The following TXNDC11 variants were observed in gnomAD, a reference collection of about 807,000 sequenced individuals.
The protein encoded by TXNDC11 is thioredoxin domain-containing protein 11.
Under a neutral mutation model 78.0 loss-of-function variants are expected in TXNDC11, and 68 were observed. The observed-to-expected ratio is 0.87, with a 90% confidence interval of 0.72 to 1.07. TXNDC11 has a LOEUF of 1.07. Among genes scored for constraint, TXNDC11 ranks in the 50% least tolerant of loss-of-function variants. The pLI is 0.00. For synonymous variants in TXNDC11, 571 were observed against 495.2 expected, an observed-to-expected ratio of 1.15 and a Z score of -2.03; for missense variants, 1,389 against 1,221.8, an observed-to-expected ratio of 1.14 and a Z score of -2.04.
chr16:11,712,336 C>A (rs935453876), intron 5 of TXNDC11, among the ~76,000 whole-genome samples: 2 of 152,080 alleles, frequency 1.3e-5, no homozygotes, highest in Non-Finnish European at 2.9e-5. Context: ...ACTCTGCATG[C>A]GGTTTCTTCC....
intron 1 of TXNDC11, among the ~76,000 whole-genome samples, chr16:11,737,965 A>G (rs572431472): frequency 1.4e-4 from 21 of 152,284 alleles, no homozygotes; most frequent in African/African-American, 4.8e-4. Context: ...TCTTAAATAT[A>G]AAGACACAGG....
intron 11 of TXNDC11, among the ~76,000 whole-genome samples, chr16:11,682,712 C>T (rs1181023912): frequency 1.3e-5 from 2 of 152,136 alleles, no homozygotes; most frequent in East Asian, 3.8e-4. Context: ...TGTTACTGTC[C>T]GTGATTCCTG....
At chr16:11,709,423 A>ATTTTTTT (rs149701958) in intron 5 of TXNDC11, among the ~76,000 whole-genome samples, 15 of 55,590 alleles carry the variant, frequency 2.7e-4, no homozygotes, top group African/African-American at 6.3e-4. Flanking sequence ...AATTTTTTGT[A>ATTTTTTT]TTTTTTTTTT....
At chr16:11,711,204 A>C (rs940318119) in intron 5 of TXNDC11, among the ~76,000 whole-genome samples, 51 of 152,226 alleles carry the variant, frequency 3.4e-4, no homozygotes, top group Non-Finnish European at 1.5e-4. Flanking sequence ...AGTAGAGCAG[A>C]GGAGCTGCAG....
rs778138194 is a variant in TXNDC11 at position 11,691,950 on chromosome 16, C to G, written c.1240G>C (p.Asp414His). The stretch of plus-strand genomic sequence containing the variant: ...GGGGACGCTGTGATCGTTGGCGGGT[C>G]TGGCAGCTGTGCCGGCACTTCCAGG... The part of the protein sequence containing the change: ...LALEVPAQLP[D>H]PPTITASPCC... Residue 414 changes from aspartate to histidine, a missense_variant, in exon 8 of 12, where the codon GAC (aspartate) becomes CAC (histidine). Asp to His is a moderately conservative substitution (Grantham distance 81). Transcript: ENST00000283033. The G allele has an allele frequency of 1.2e-6, 2 of 1,611,312 alleles. No individual in the cohort carries two copies. The highest frequency in any genetic ancestry group is 2.2e-5 in the South Asian group (2 of 90,912).
At chr16:11,737,988 G>A (rs1189054865) in intron 1 of TXNDC11, among the ~76,000 whole-genome samples, 1 of 152,038 alleles carries the variant, frequency 6.6e-6, no homozygotes, top group East Asian at 1.9e-4. Context: ...AAAGGCATAA[G>A]GATGGGAAAA....
At chr16:11,697,567 G>A (rs1011438341) in intron 7 of TXNDC11, among the ~76,000 whole-genome samples, 11 of 152,276 alleles carry the variant, frequency 7.2e-5, no homozygotes, top group African/African-American at 2.4e-4. Flanking sequence ...CCGAAGACAG[G>A]CAGGAACAGC....
chr16:11,702,066 ATG>A (rs896587596), intron 5 of TXNDC11, among the ~76,000 whole-genome samples: 6 of 137,198 alleles, frequency 4.4e-5, no homozygotes, highest in Non-Finnish European at 6.0e-5. Context: ...ATGTGTGTGT[ATG>A]TGTGTGTGTG....
chr16:11,679,120 A>G lies in TXNDC11; in HGVS notation c.*75T>C. 4 of 1,457,622 alleles carry G rather than the reference A, an allele frequency of 2.7e-6. No homozygotes were observed. The highest frequency in any genetic ancestry group is 2.5e-5 in the South Asian group (2 of 79,472). The allele number at this position is 1,457,622 out of a possible 1,614,324, so 90.3% of individuals were successfully genotyped here. On this transcript the variant is annotated 3_prime_UTR_variant, in exon 12 of 12. Coordinates refer to ENST00000283033, the MANE Select transcript of TXNDC11 (RefSeq NM_015914.7). This position sits in a 1 kb window ranked among gnomAD's most constrained non-coding sequence, Gnocchi z 4.6. ...CTGAGAAAATCTTTATTTACAATAA[A>G]TTTCAATAAAATTTGCATAAATATA...
chr16:11,735,317 C>G (rs76012862), intron 2 of TXNDC11, among the ~76,000 whole-genome samples: 1 of 152,218 alleles, frequency 6.6e-6, no homozygotes, highest in African/African-American at 2.4e-5. Context: ...CCTGTTCTGA[C>G]TGTGCACTTA....
intron 4 of TXNDC11, among the ~76,000 whole-genome samples, chr16:11,726,797 G>T (rs61216820): frequency 6.6e-6 from 1 of 152,270 alleles, no homozygotes; most frequent in East Asian, 1.9e-4. Context: ...GCTCACACCT[G>T]TAATCCTAGC....
At chr16:11,735,284 G>C (rs773307476) in intron 2 of TXNDC11, among the ~76,000 whole-genome samples, 1 of 152,108 alleles carries the variant, frequency 6.6e-6, no homozygotes, top group Non-Finnish European at 1.5e-5. Context: ...CCCATTCAGT[G>C]ATTCTACATA....
In TXNDC11 at chr16:11,696,808, C is replaced by T. The variant is rs145740993; in HGVS notation, c.1107+1317G>A. Among the ~76,000 whole-genome samples, 642 of 152,250 alleles carry T rather than the reference C, an allele frequency of 4.2e-3. 4 individuals carry two copies. Among genetic ancestry groups the T allele is most frequent in the African/African-American group, 0.014 (601 of 41,532 alleles). On this transcript the variant is annotated intron_variant, in intron 7 of 11. Transcript: ENST00000283033. ...CAACAGGCGAGAAAGAGTCTTCCCA[C>T]CAGGTGCCTAAATCCAACCACAACC...
intron 5 of TXNDC11, among the ~76,000 whole-genome samples, chr16:11,711,630 C>T (rs1597456460): frequency 6.6e-6 from 1 of 152,222 alleles, no homozygotes; most frequent in Non-Finnish European, 1.5e-5. Context: ...CACAGGATAA[C>T]CTCAGTGTCA....
chr16:11,698,434 C>A, intron 6 of TXNDC11, 109 bp from the exon 7 acceptor site: 1 of 923,196 alleles, frequency 1.1e-6, no homozygotes, highest in Non-Finnish European at 1.7e-6. Context: ...AAAACCCAGG[C>A]GTGGAGCGGG....
At chr16:11,728,802 C>G (rs187122003) in intron 4 of TXNDC11, among the ~76,000 whole-genome samples, 85 of 151,004 alleles carry the variant, frequency 5.6e-4, no homozygotes, top group Admixed American at 1.6e-3. Flanking sequence ...ATAAAATAAT[C>G]CAGCCTGGCC....
chr16:11,689,677 G>GACA (rs2050659018), intron 8 of TXNDC11, among the ~76,000 whole-genome samples: 3 of 152,048 alleles, frequency 2.0e-5, no homozygotes, highest in Non-Finnish European at 4.4e-5. Flanking sequence ...ACATTATGAG[G>GACA]TCATTAAACA....
intron 3 of TXNDC11, among the ~76,000 whole-genome samples, chr16:11,732,268 C>T (rs570800051): frequency 6.6e-6 from 1 of 152,266 alleles, no homozygotes; most frequent in Non-Finnish European, 1.5e-5. Flanking sequence ...GACACTTGTA[C>T]TTGATTCCAT....
intron 2 of TXNDC11, 83 bp from the exon 3 acceptor site, chr16:11,734,162 A>G (rs4780398): frequency 0.87 from 808,808 of 926,728 alleles, 353,345 homozygotes; most frequent in East Asian, 0.93. Context: ...ATTTAAAAAT[A>G]GAATGATTCC....
Sources: allele counts gnomAD v4.1 joint callset (sites outside exome capture counted in the v4.1 genomes callset), GRCh38; gene constraint gnomAD v4.1.1; non-coding constraint Gnocchi (gnomAD v3.1); transcripts MANE v1.5; gene names NCBI Gene and HGNC (gene_info 2026-07-23, HGNC 2026-07-21).